Variants in SLC11A2 observed in about 807,000 individuals in gnomAD.
The protein encoded by SLC11A2 is natural resistance-associated macrophage protein 2.
SLC11A2 carries 38 observed loss-of-function variants against 68.0 expected under a neutral mutation model. The observed-to-expected ratio is 0.56, with a 90% confidence interval of 0.43 to 0.73. SLC11A2 has a LOEUF of 0.73. SLC11A2 is among the 30% of genes least tolerant of loss of function. SLC11A2 has a pLI of 0.00. For synonymous variants in SLC11A2, 242 were observed against 250.6 expected (o/e 0.97, Z 0.32); for missense variants, 517 against 690.5 (o/e 0.75, Z 2.82).
intron 8 of SLC11A2, among the ~76,000 whole-genome samples, chr12:50,998,881 C>T (rs146257827): frequency 9.2e-5 from 14 of 152,246 alleles, no homozygotes; most frequent in African/African-American, 3.4e-4. Context: ...TAACACTATC[C>T]ATGGCTGTTC....
chr12:51,008,610 C>T lies in SLC11A2; in HGVS notation c.49G>A (p.Asp17Asn). Residue 17 changes from aspartate (D) to asparagine (N), a missense_variant, in exon 3 of 16, where the codon GAT becomes AAT. By Grantham distance (23) the Asp-to-Asn change is conservative. Coordinates refer to ENST00000262052, the MANE Select transcript of SLC11A2 (RefSeq NM_000617.3). Reference protein sequence around the residue: ...QKMSDDSVSGDHGESASLGNI... With the variant: ...QKMSDDSVSGNHGESASLGNI... ...CCAAGACTGGCAGACTCCCCATGAT[C>T]TCCAGAAACACTGTCTGAATTAACA... 1 of 1,612,552 alleles carries T rather than the reference C, an allele frequency of 6.2e-7. No individual in the cohort carries two copies. The highest frequency in any genetic ancestry group is 8.5e-7 in the Non-Finnish European group (1 of 1,178,670).
intron 8 of SLC11A2, among the ~76,000 whole-genome samples, chr12:50,998,350 C>T (rs374148241): frequency 2.0e-5 from 3 of 152,068 alleles, no homozygotes; most frequent in Non-Finnish European, 4.4e-5. Flanking sequence ...GACAGAGCAA[C>T]GCTCTGGCTC....
At chr12:50,971,195 C>A in the SLC11A2 span, among the ~76,000 whole-genome samples, 2 of 152,070 alleles carry the variant, frequency 1.3e-5, no homozygotes, top group African/African-American at 4.8e-5. Context: ...CTTTTTATAT[C>A]CATGTTAAAT....
At chr12:50,963,389 A>AAAAAG in the SLC11A2 span, among the ~76,000 whole-genome samples, 724 of 134,272 alleles carry the variant, frequency 5.4e-3, 14 homozygotes, top group South Asian at 6.5e-3. Context: ...AAAAAAAAAA[A>AAAAAG]AAAAGAAAAG....
chr12:50,968,669 G>A, the SLC11A2 span, among the ~76,000 whole-genome samples: 3 of 152,048 alleles, frequency 2.0e-5, no homozygotes, highest in East Asian at 3.9e-4. Context: ...TGCCTCCTGA[G>A]TAGCTGGGAT....
the SLC11A2 span, among the ~76,000 whole-genome samples, chr12:50,962,196 G>A: frequency 1.3e-5 from 2 of 151,900 alleles, no homozygotes; most frequent in Non-Finnish European, 2.9e-5. Flanking sequence ...TACCAGCCTG[G>A]CCAACATGGC....
At chr12:50,976,709 C>G (rs1939853650), downstream of SLC11A2, among the ~76,000 whole-genome samples, 1 of 152,162 alleles carries the variant, frequency 6.6e-6, no homozygotes, top group African/African-American at 2.4e-5. Context: ...GTCAAATTGT[C>G]CCTGTTTGCA....
At chr12:50,953,291 T>C in the SLC11A2 span, among the ~76,000 whole-genome samples, 1 of 152,354 alleles carries the variant, frequency 6.6e-6, no homozygotes, top group South Asian at 2.1e-4. Context: ...AGTTTTCTGA[T>C]GAAGTCTCAT....
At chr12:50,962,581 CA>C in the SLC11A2 span, among the ~76,000 whole-genome samples, 2 of 151,298 alleles carry the variant, frequency 1.3e-5, no homozygotes, top group Non-Finnish European at 2.9e-5. Flanking sequence ...CCTGTAGTCA[CA>C]GCTACTTGGG....
rs1440396355 is a variant in SLC11A2 at position 50,986,003 on chromosome 12, A to C, written c.*2322T>G. On this transcript the variant is annotated 3_prime_UTR_variant, in exon 16 of 16. Transcript: ENST00000262052. Reference sequence around the variant, plus strand: ...CCCAGGAAACCAAATTGGAAAAAGAAATTTTTTTTTAATTAGAAACCAAGT... The same window carrying C: ...CCCAGGAAACCAAATTGGAAAAAGACATTTTTTTTTAATTAGAAACCAAGT... The C allele has an allele frequency of 2.6e-6, 3 of 1,159,378 alleles. No homozygotes were observed. Among genetic ancestry groups the C allele is most frequent in the Admixed American group, 8.3e-5 (2 of 24,018 alleles). The allele number at this position is 1,159,378 out of a possible 1,614,324, so 71.8% of individuals were successfully genotyped here. A position where few individuals can be genotyped will look rare whatever the true frequency, so the allele number is the denominator to read the frequency against.
chr12:50,996,783 T>C (rs1159531929), intron 9 of SLC11A2, 34 bp downstream of exon 9: 3 of 1,608,212 alleles, frequency 1.9e-6, no homozygotes, highest in African/African-American at 1.3e-5. Flanking sequence ...CCATGAACTG[T>C]CTAGGAGGTG....
At chr12:50,960,534 G>C in the SLC11A2 span, among the ~76,000 whole-genome samples, 13 of 152,022 alleles carry the variant, frequency 8.6e-5, no homozygotes, top group Middle Eastern at 3.2e-3. Context: ...TCATTTTAAA[G>C]TCTGGTAGAT....
At chr12:51,019,106 C>T (rs899592139) in intron 1 of SLC11A2, among the ~76,000 whole-genome samples, 2 of 152,218 alleles carry the variant, frequency 1.3e-5, no homozygotes, top group Non-Finnish European at 2.9e-5. Context: ...GCAAAGCCAC[C>T]TCTTCCTCTT....
At chr12:51,012,173 T>C (rs1943284847) in intron 1 of SLC11A2, among the ~76,000 whole-genome samples, 1 of 152,100 alleles carries the variant, frequency 6.6e-6, no homozygotes, top group African/African-American at 2.4e-5. Context: ...ATGCCAGCCT[T>C]TGTCTACAGG....
chr12:51,011,278 G>A (rs591619), intron 1 of SLC11A2, among the ~76,000 whole-genome samples: 16 of 151,718 alleles, frequency 1.1e-4, no homozygotes, highest in Admixed American at 2.0e-4. Context: ...ACAGGTGCCC[G>A]CCACCACGCC....
At chr12:50,998,052 C>G (rs890001725) in intron 8 of SLC11A2, among the ~76,000 whole-genome samples, 1 of 150,654 alleles carries the variant, frequency 6.6e-6, no homozygotes, top group Admixed American at 6.6e-5. Context: ...AGTAATTCCA[C>G]AAGGCTCAAA....
At chr12:51,026,001 T>C (rs573344715) in intron 1 of SLC11A2, 1 of 1,015,090 alleles carries the variant, frequency 9.9e-7, no homozygotes, top group African/African-American at 1.7e-5. Flanking sequence ...GGGCGCGCCA[T>C]CCGGTGCAGC....
chr12:50,983,810 A>C (rs572198869), downstream of SLC11A2, among the ~76,000 whole-genome samples: 116 of 152,238 alleles, frequency 7.6e-4, no homozygotes, highest in African/African-American at 2.5e-3. Context: ...ATCTCTAAAA[A>C]TACAAAAATT....
Position 50,987,641 on chromosome 12 carries a change from A to G in SLC11A2, c.*684T>C. Reference sequence around the variant, plus strand: ...GCTTTTCAATCTGAGGAAAATCCTGAGAAGGTAATTAGTAAGCACCACCTA... The same window carrying G: ...GCTTTTCAATCTGAGGAAAATCCTGGGAAGGTAATTAGTAAGCACCACCTA... On this transcript the variant is annotated 3_prime_UTR_variant, in exon 16 of 16. Coordinates refer to ENST00000262052, the MANE Select transcript of SLC11A2 (RefSeq NM_000617.3). The G allele has an allele frequency of 7.8e-7, 1 of 1,287,226 alleles. No homozygotes were observed. The highest frequency in any genetic ancestry group is 1.0e-6 in the Non-Finnish European group (1 of 988,696). 79.7% of individuals were successfully genotyped at this position (1,287,226 alleles called of 1,614,324 possible). A position where few individuals can be genotyped will look rare whatever the true frequency, so the allele number is the denominator to read the frequency against.
Sources: allele counts gnomAD v4.1 joint callset (sites outside exome capture counted in the v4.1 genomes callset), GRCh38; gene constraint gnomAD v4.1.1; transcripts MANE v1.5; gene names NCBI Gene and HGNC (gene_info 2026-07-23, HGNC 2026-07-21).